Variants in POC1B observed in about 807,000 individuals in gnomAD.
POC1B encodes POC1 centriolar protein B, also known as POC1 centriolar protein homolog B.
A neutral mutation model predicts 60.6 loss-of-function variants in POC1B; 44 were observed. That is an observed-to-expected ratio of 0.73 (90% CI 0.57 to 0.93). POC1B has a LOEUF of 0.93. Among genes scored for constraint, POC1B ranks in the 40% least tolerant of loss-of-function variants. The pLI is 0.00. For synonymous variants in POC1B, 180 were observed against 198.9 expected, an observed-to-expected ratio of 0.90 and a Z score of 0.80; for missense variants, 555 against 572.3, an observed-to-expected ratio of 0.97 and a Z score of 0.31.
the POC1B span, among the ~76,000 whole-genome samples, chr12:89,412,854 T>TCCTTCCTTCCTTCCTTTCCTTCCTC: frequency 1.8e-3 from 237 of 130,008 alleles, 1 homozygote; most frequent in African/African-American, 6.5e-3. Flanking sequence ...TTCCTTTCCT[T>TCCTTCCTTCCTTCCTTTCCTTCCTC]CCTCCCTCCC....
At chr12:89,498,507 G>T (rs144700937) in intron 2 of POC1B, among the ~76,000 whole-genome samples, 2 of 152,282 alleles carry the variant, frequency 1.3e-5, no homozygotes, top group East Asian at 3.9e-4. Flanking sequence ...CACTGTTAGA[G>T]AAACATAGGG....
chr12:89,523,955 T>G (rs770942692), intron 2 of POC1B: 1 of 1,613,696 alleles, frequency 6.2e-7, no homozygotes, highest in Admixed American at 1.7e-5. Context: ...TTGGTCCTAA[T>G]CAAGCGTACT....
intron 2 of POC1B, among the ~76,000 whole-genome samples, chr12:89,499,297 C>T (rs1869421839): frequency 6.6e-6 from 1 of 152,068 alleles, no homozygotes; most frequent in Non-Finnish European, 1.5e-5. Flanking sequence ...GAGAGCTGAA[C>T]AGTAGGTACA....
intron 10 of POC1B, among the ~76,000 whole-genome samples, chr12:89,455,777 C>T (rs748895616): frequency 6.6e-6 from 1 of 152,140 alleles, no homozygotes; most frequent in Non-Finnish European, 1.5e-5. Flanking sequence ...TCATATTATG[C>T]ACAGTTGCCA....
In POC1B at chr12:89,476,759, T is replaced by TAGATAGATAGAC. The variant is rs1485211003; in HGVS notation, c.453-4485_453-4484insGTCTATCTATCT. The stretch of plus-strand genomic sequence containing the variant: ...ATAGATAGATAGATAGATAGATAGA[T>TAGATAGATAGAC]AGACAGACAGACAGACAGACACTTT... On this transcript the variant is annotated intron_variant, in intron 4 of 11. Coordinates refer to ENST00000313546, the MANE Select transcript of POC1B (RefSeq NM_172240.3). Among the ~76,000 whole-genome samples, 284 of 58,606 alleles carry TAGATAGATAGAC rather than the reference T, an allele frequency of 4.8e-3. 1 individual carries two copies. The highest frequency in any genetic ancestry group is 0.041 in the East Asian group (67 of 1,620). 38.4% of individuals were successfully genotyped at this position (58,606 alleles called of 152,430 possible).
chr12:89,501,679 C>T, intron 2 of POC1B: 1 of 1,053,024 alleles, frequency 9.5e-7, no homozygotes. Context: ...AATTTCCAGG[C>T]ATCCGTCTAA....
chr12:89,462,886 A>G (rs1303508146), intron 9 of POC1B, among the ~76,000 whole-genome samples: 1 of 152,196 alleles, frequency 6.6e-6, no homozygotes, highest in Admixed American at 6.5e-5. Flanking sequence ...AGACTTTATC[A>G]TCATGTAATG....
intron 4 of POC1B, among the ~76,000 whole-genome samples, chr12:89,489,861 T>C (rs1868858615): frequency 6.6e-6 from 1 of 152,206 alleles, no homozygotes; most frequent in Non-Finnish European, 1.5e-5. Context: ...GTAACTGGTT[T>C]CAGCCAGGCC....
intron 7 of POC1B, among the ~76,000 whole-genome samples, 191 bp from the exon 8 acceptor site, chr12:89,467,876 T>C (rs1014947452): frequency 2.0e-5 from 3 of 152,088 alleles, no homozygotes; most frequent in African/African-American, 7.2e-5. Flanking sequence ...CCAATCATAT[T>C]AAAACACAAA....
At chr12:89,451,500 A>C (rs1882038336) in intron 10 of POC1B, among the ~76,000 whole-genome samples, 1 of 115,736 alleles carries the variant, frequency 8.6e-6, no homozygotes, top group South Asian at 2.6e-4. Context: ...GTTGGCTGAA[A>C]GCAACATAAT....
intron 2 of POC1B, chr12:89,523,498 T>A: frequency 6.2e-7 from 1 of 1,612,026 alleles, no homozygotes; most frequent in Non-Finnish European, 8.5e-7. Flanking sequence ...GATCTCCAAT[T>A]TGCCACCACA....
downstream of POC1B, among the ~76,000 whole-genome samples, chr12:89,415,174 T>C (rs1430417321): frequency 6.6e-6 from 1 of 152,216 alleles, no homozygotes. Flanking sequence ...AAAGGCTAAT[T>C]TCTTTTATAT....
intron 3 of POC1B, 181 bp downstream of exon 3, chr12:89,496,990 G>C (rs1367758553): frequency 4.6e-6 from 3 of 646,440 alleles, no homozygotes; most frequent in Non-Finnish European, 7.8e-6. Flanking sequence ...TTTTCAAAAA[G>C]AAGACATAAT....
intron 4 of POC1B, among the ~76,000 whole-genome samples, chr12:89,483,132 T>A (rs930505683): frequency 2.6e-5 from 4 of 152,152 alleles, no homozygotes; most frequent in African/African-American, 9.7e-5. Flanking sequence ...GTCAGGCTGG[T>A]CTCAGGTGAT....
chr12:89,414,892 T>C (rs1880339618), downstream of POC1B, among the ~76,000 whole-genome samples: 1 of 152,194 alleles, frequency 6.6e-6, no homozygotes. Flanking sequence ...AAATGTTAAG[T>C]GAGGGTCCGT....
intron 10 of POC1B, among the ~76,000 whole-genome samples, chr12:89,430,813 AGCT>A (rs1352366515): frequency 6.6e-6 from 1 of 152,142 alleles, no homozygotes; most frequent in Non-Finnish European, 1.5e-5. Flanking sequence ...ACACAGACAA[AGCT>A]CCACATTGGT....
downstream of POC1B, among the ~76,000 whole-genome samples, chr12:89,418,730 C>T (rs1880413177): frequency 6.6e-6 from 1 of 152,166 alleles, no homozygotes; most frequent in African/African-American, 2.4e-5. Context: ...CCTCCTCTGT[C>T]ACCATGTGCT....
chr12:89,494,631 CTT>C (rs1007895043), intron 3 of POC1B, among the ~76,000 whole-genome samples: 4 of 152,148 alleles, frequency 2.6e-5, no homozygotes, highest in African/African-American at 9.7e-5. Flanking sequence ...GGTGTTGTGA[CTT>C]TACTCTGAGG....
intron 10 of POC1B, chr12:89,426,024 G>A (rs1240737154): frequency 6.6e-6 from 1 of 152,048 alleles, no homozygotes; most frequent in Non-Finnish European, 1.5e-5. Flanking sequence ...CACAAAATGT[G>A]GTATAAACAT....
Sources: allele counts gnomAD v4.1 joint callset (sites outside exome capture counted in the v4.1 genomes callset), GRCh38; gene constraint gnomAD v4.1.1; transcripts MANE v1.5; gene names NCBI Gene and HGNC (gene_info 2026-07-23, HGNC 2026-07-21).